Variants in COL24A1 observed in about 807,000 individuals in gnomAD.
COL24A1 encodes the protein collagen alpha-1(XXIV) chain.
COL24A1 carries 224 observed loss-of-function variants against 253.9 expected under a neutral mutation model. The observed-to-expected ratio is 0.88, with a 90% CI of 0.79 to 0.99. COL24A1 has a LOEUF of 0.99. COL24A1 is among the 50% of genes least tolerant of loss of function. COL24A1 has a pLI of 0.00. For synonymous variants in COL24A1, 685 were observed against 673.7 expected (o/e 1.02, Z -0.26); for missense variants, 2,131 against 2,068.5 (o/e 1.03, Z -0.59).
At chr1:86,083,324 A>T (rs1476569071) in intron 7 of COL24A1, among the ~76,000 whole-genome samples, 1 of 151,162 alleles carries the variant, frequency 6.6e-6, no homozygotes, top group Non-Finnish European at 1.5e-5. Flanking sequence ...ATAAATAAAT[A>T]ACCTACTTGA....
chr1:85,851,062 ATATACT>A (rs955057244), intron 37 of COL24A1, among the ~76,000 whole-genome samples: 14 of 151,026 alleles, frequency 9.3e-5, no homozygotes, highest in African/African-American at 3.4e-4. Context: ...CACATTAAAC[ATATACT>A]TATCCAAACT....
At chr1:85,733,452 T>C (rs1443833682) in intron 59 of COL24A1, among the ~76,000 whole-genome samples, 1 of 152,230 alleles carries the variant, frequency 6.6e-6, no homozygotes, top group South Asian at 2.1e-4. Context: ...AGGATGGCTG[T>C]GTTCCAATAA....
chr1:86,131,702 T>C (rs1439783858), intron 2 of COL24A1, among the ~76,000 whole-genome samples: 1 of 152,174 alleles, frequency 6.6e-6, no homozygotes, highest in African/African-American at 2.4e-5. Context: ...CATCATTTTT[T>C]ATGGCTGCAT....
In COL24A1 at chr1:85,907,254, G is replaced by C. The variant is rs1456476734; in HGVS notation, c.2725-7C>G. Reference sequence around the variant, plus strand: ...CTCTTGCCCCCACATGACCCTATATGTTGTAAATTTAAAGTCAGTTGTAGA... The same window carrying C: ...CTCTTGCCCCCACATGACCCTATATCTTGTAAATTTAAAGTCAGTTGTAGA... On this transcript the variant is annotated splice_region_variant and splice_polypyrimidine_tract_variant and intron_variant, in intron 27 of 59. Transcript: ENST00000370571. 6.2e-7 allele frequency: 1 copy of C among 1,608,878 alleles called. No individual in the cohort carries two copies. The highest frequency in any genetic ancestry group is 1.7e-5 in the Admixed American group (1 of 59,810).
chr1:85,836,050 C>T (rs1018407063), intron 43 of COL24A1, among the ~76,000 whole-genome samples: 4 of 152,168 alleles, frequency 2.6e-5, no homozygotes, highest in Non-Finnish European at 5.9e-5. Context: ...TCTGAATGAA[C>T]AGTCCTTGCT....
intron 19 of COL24A1, among the ~76,000 whole-genome samples, chr1:86,010,700 C>A (rs778042579): frequency 1.3e-5 from 2 of 151,994 alleles, no homozygotes; most frequent in Non-Finnish European, 2.9e-5. Flanking sequence ...AACTAAATTT[C>A]CATATGTAGG....
chr1:85,878,046 G>A (rs1681384195), intron 32 of COL24A1, among the ~76,000 whole-genome samples: 1 of 151,912 alleles, frequency 6.6e-6, no homozygotes, highest in African/African-American at 2.4e-5. Context: ...ACATTTTTGT[G>A]GCTTGATAGC....
chr1:85,782,214 G>T (rs763666968), intron 51 of COL24A1, among the ~76,000 whole-genome samples: 2 of 152,134 alleles, frequency 1.3e-5, no homozygotes, highest in Non-Finnish European at 2.9e-5. Context: ...AGCCTTCCAA[G>T]TAGCTGGGAT....
chr1:86,090,094 A>G (rs1703384885), intron 6 of COL24A1, among the ~76,000 whole-genome samples: 1 of 152,152 alleles, frequency 6.6e-6, no homozygotes, highest in East Asian at 1.9e-4. Flanking sequence ...ACGAGCGAAA[A>G]TTGATTGGGA....
chr1:86,156,214 CG>C, intron 1 of COL24A1, 126 bp downstream of exon 1: 1 of 752,708 alleles, frequency 1.3e-6, no homozygotes, highest in Non-Finnish European at 2.2e-6. Flanking sequence ...CGCGGGTACT[CG>C]GCCGCTCCTA....
Position 86,156,365 on chromosome 1 carries a change from C to T in COL24A1, c.32G>A (p.Gly11Glu). The T allele has an allele frequency of 6.2e-7, 1 of 1,612,996 alleles. No individual in the cohort carries two copies. Among genetic ancestry groups the T allele is most frequent in the Non-Finnish European group, 8.5e-7 (1 of 1,179,542 alleles). The change falls in exon 1 of 60, where the codon GGA becomes GAA. Residue 11 changes from glycine (G) to glutamate (E), a missense_variant. Gly to Glu is a moderately conservative substitution (Grantham distance 98). Coordinates refer to ENST00000370571, the MANE Select transcript of COL24A1 (RefSeq NM_152890.7). MHLRAHRTRR[G>E]KVSPTAKTKS... is the part of the protein sequence containing the mutation. ...CGTTTTTGCCGTGGGGGAGACTTTTCCACGCCTTGTTCTGTGGGCTCTTAA... is the reference window on the plus strand; with the variant it reads ...CGTTTTTGCCGTGGGGGAGACTTTTTCACGCCTTGTTCTGTGGGCTCTTAA...
chr1:86,025,729 C>G (rs1697968614), intron 14 of COL24A1, among the ~76,000 whole-genome samples: 1 of 152,122 alleles, frequency 6.6e-6, no homozygotes, highest in South Asian at 2.1e-4. Context: ...AACCTCAATT[C>G]CTTCCATTCT....
intron 2 of COL24A1, among the ~76,000 whole-genome samples, chr1:86,145,545 C>T (rs1651755492): frequency 6.6e-6 from 1 of 152,040 alleles, no homozygotes; most frequent in African/African-American, 2.4e-5. Context: ...ATAGAAGATG[C>T]ATCAATCATG....
intron 37 of COL24A1, among the ~76,000 whole-genome samples, chr1:85,856,715 T>A (rs767425418): frequency 6.6e-6 from 1 of 152,216 alleles, no homozygotes; most frequent in East Asian, 1.9e-4. Context: ...TAAGGCAAAA[T>A]TTGAAAATTA....
At chr1:86,144,165 G>A (rs1220466242) in intron 2 of COL24A1, among the ~76,000 whole-genome samples, 1 of 151,876 alleles carries the variant, frequency 6.6e-6, no homozygotes, top group East Asian at 1.9e-4. Context: ...AATTTTAGGT[G>A]TATAAAATTG....
At chr1:85,825,101 G>C (rs1436059765) in intron 43 of COL24A1, among the ~76,000 whole-genome samples, 2 of 116,156 alleles carry the variant, frequency 1.7e-5, no homozygotes, top group African/African-American at 3.4e-5. Context: ...AGTCCCCAGA[G>C]TGTGAAGTTC....
At chr1:85,889,730 TC>T in intron 31 of COL24A1, 117 bp from the exon 32 acceptor site, 3 of 798,560 alleles carry the variant, frequency 3.8e-6, no homozygotes, top group East Asian at 2.6e-5. Flanking sequence ...CTATTGCTAT[TC>T]TTTTTTTTTT....
At chr1:86,136,206 T>C (rs905449530) in intron 2 of COL24A1, among the ~76,000 whole-genome samples, 1 of 152,134 alleles carries the variant, frequency 6.6e-6, no homozygotes, top group Non-Finnish European at 1.5e-5. Context: ...TCATCCATTT[T>C]AGCTATTATC....
At chr1:85,817,985 C>G in intron 46 of COL24A1, 49 bp downstream of exon 46, 1 of 1,499,864 alleles carries the variant, frequency 6.7e-7, no homozygotes. Context: ...GCTAAAGTTG[C>G]CAGTTCCATT....
Sources: allele counts gnomAD v4.1 joint callset (sites outside exome capture counted in the v4.1 genomes callset), GRCh38; gene constraint gnomAD v4.1.1; transcripts MANE v1.5; gene names NCBI Gene and HGNC (gene_info 2026-07-23, HGNC 2026-07-21).